Variants in TRMT2B observed in about 807,000 individuals in gnomAD.
The protein encoded by TRMT2B is tRNA (uracil-5-)-methyltransferase homolog B.
Under a neutral mutation model 39.7 loss-of-function variants are expected in TRMT2B, and 34 were observed. The observed-to-expected ratio is 0.86, with a 90% confidence interval of 0.65 to 1.14. The LOEUF (loss-of-function observed/expected upper bound fraction) is 1.14. Among genes scored for constraint, TRMT2B ranks in the 50% most tolerant of loss-of-function variants. TRMT2B has a pLI of 0.00. For synonymous variants in TRMT2B, 132 were observed against 137.3 expected, an observed-to-expected ratio of 0.96 and a Z score of 0.27; for missense variants, 318 against 377.2, an observed-to-expected ratio of 0.84 and a Z score of 1.30.
At chrX:101,019,456 C>T (rs960725048) in intron 11 of TRMT2B, 53 bp from the exon 12 acceptor site, 55 of 1,195,660 alleles carry the variant, frequency 4.6e-5, no homozygotes, top group Non-Finnish European at 5.4e-5. Context: ...TAAGGGAAAG[C>T]TTCAGCTTCA....
Position 101,035,653 on chromosome X carries a change from T to G in TRMT2B, c.569A>C (p.His190Pro). ...GTGTTTCTCAGGGATGTTTTTCAGA[T>G]GATTAGACTGCACACAGACAACGTT... ...DGNVVCVQSN[H>P]LKNIPEKHSQ... Residue 190 changes from histidine (H) to proline (P), a missense_variant, in exon 7 of 14, where the codon CAT (histidine) becomes CCT (proline). Coordinates refer to ENST00000372936, the MANE Select transcript of TRMT2B (RefSeq NM_024917.6). 8.3e-7 allele frequency: 1 copy of G among 1,210,154 alleles called. No homozygotes were observed. Among genetic ancestry groups the G allele is most frequent in the Non-Finnish European group, 1.1e-6 (1 of 894,002 alleles).
chrX:100,986,764 T>A, the TRMT2B span: 1 of 1,065,785 alleles, frequency 9.4e-7, no homozygotes, highest in South Asian at 2.2e-5. Flanking sequence ...ACTCTTCCAC[T>A]CTTTTCCTCC....
At chrX:101,005,892 AAAAAAAAAAAAAG>A (rs1438963999), downstream of TRMT2B, among the ~76,000 whole-genome samples, 1 of 37,429 alleles carries the variant, frequency 2.7e-5, no homozygotes, top group Non-Finnish European at 5.1e-5. Context: ...AAAAAAAAAA[AAAAAAAAAAAAAG>A]AAAGAGAGAA....
At chrX:101,046,848 C>A (rs535063991) in intron 2 of TRMT2B, among the ~76,000 whole-genome samples, 1 of 111,325 alleles carries the variant, frequency 9.0e-6, no homozygotes, top group African/African-American at 3.3e-5. Context: ...ATCGCTTGAA[C>A]CCGGGAGGTG....
At chrX:101,011,680 G>C (rs1444245227) in intron 13 of TRMT2B, among the ~76,000 whole-genome samples, 2 of 111,499 alleles carry the variant, frequency 1.8e-5, no homozygotes, top group Non-Finnish European at 3.8e-5. Flanking sequence ...GATTGCTTGA[G>C]CTCAGAAGTT....
In TRMT2B at chrX:101,041,356, C is replaced by T. The variant is rs1256812255; in HGVS notation, c.264G>A (p.Val88=). ...GSWQERLADV[V]TPLWRLSYEE... ...CATAGCTCAACCTCCAGAGTGGTGT[C>T]ACAACATCAGCCAGCCTTGAATAAA... Residue 88 remains valine (V), a synonymous_variant, in exon 4 of 14, where the codon GTG becomes GTA. Transcript: ENST00000372936. 1.6e-5 allele frequency: 19 copies of T among 1,207,659 alleles called. No individual in the cohort carries two copies. In the Admixed American group the frequency reaches 3.5e-4, roughly 22 times the overall value.
intron 2 of TRMT2B, among the ~76,000 whole-genome samples, chrX:101,047,418 C>A (rs781643204): frequency 1.1e-4 from 12 of 111,497 alleles, no homozygotes; most frequent in South Asian, 3.8e-4. Context: ...GAGACAAAAG[C>A]TGGAAGAGCT....
chrX:101,030,139 A>G (rs1203606537), intron 7 of TRMT2B, among the ~76,000 whole-genome samples: 1 of 111,210 alleles, frequency 9.0e-6, no homozygotes, highest in African/African-American at 3.3e-5. Context: ...ACGTGCCTAT[A>G]GTCCCAGCTA....
At chrX:100,995,140 C>T in the TRMT2B span, among the ~76,000 whole-genome samples, 3 of 111,756 alleles carry the variant, frequency 2.7e-5, no homozygotes, top group African/African-American at 9.8e-5. Context: ...CTTTGTTACT[C>T]AACCCTGTAA....
At chrX:100,987,064 T>C in the TRMT2B span, among the ~76,000 whole-genome samples, 1 of 111,885 alleles carries the variant, frequency 8.9e-6, no homozygotes, top group African/African-American at 3.2e-5. Flanking sequence ...AAATATTGCA[T>C]TCTGCCTTCA....
chrX:101,026,880 A>G (rs2087123925), intron 7 of TRMT2B, among the ~76,000 whole-genome samples: 2 of 111,638 alleles, frequency 1.8e-5, no homozygotes, highest in Admixed American at 1.9e-4. Context: ...TCCCATCAAT[A>G]TACTATCAGA....
chrX:100,984,654 C>T, the TRMT2B span, among the ~76,000 whole-genome samples: 1 of 112,240 alleles, frequency 8.9e-6, no homozygotes, highest in African/African-American at 3.2e-5. Flanking sequence ...TAAGGTAATA[C>T]AGACATCCTC....
intron 7 of TRMT2B, among the ~76,000 whole-genome samples, chrX:101,026,091 AAG>A (rs1230927943): frequency 4.5e-5 from 5 of 110,715 alleles, no homozygotes; most frequent in East Asian, 5.7e-4. Context: ...GAAAGAAAAA[AAG>A]AGAGGAAGGA....
the TRMT2B span, among the ~76,000 whole-genome samples, chrX:101,000,753 C>A: frequency 0.45 from 49,379 of 109,459 alleles, 9,010 homozygotes; most frequent in African/African-American, 0.65. Context: ...AAAAATCCAA[C>A]GTGATTCTCA....
At chrX:100,989,608 CAAA>C in the TRMT2B span, among the ~76,000 whole-genome samples, 2 of 57,312 alleles carry the variant, frequency 3.5e-5, no homozygotes, top group Non-Finnish European at 3.4e-5. Context: ...GACTCCATCT[CAAA>C]AAAAAAAAAA....
At chrX:101,024,530 TA>T (rs945109611) in intron 7 of TRMT2B, among the ~76,000 whole-genome samples, 1 of 109,037 alleles carries the variant, frequency 9.2e-6, no homozygotes, top group Non-Finnish European at 1.9e-5. Flanking sequence ...CTACAAAAAA[TA>T]AAAAAAATTA....
chrX:101,046,078 G>A (rs1361466390), intron 2 of TRMT2B, among the ~76,000 whole-genome samples: 1 of 103,850 alleles, frequency 9.6e-6, no homozygotes, highest in Non-Finnish European at 2.0e-5. Flanking sequence ...CCCGGGAGGT[G>A]GAGGTTGCAA....
At chrX:100,988,629 C>A in the TRMT2B span, 1 of 804,788 alleles carries the variant, frequency 1.2e-6, no homozygotes, top group Non-Finnish European at 1.6e-6. Context: ...CAATAGTATT[C>A]CAATTTTGAG....
intron 2 of TRMT2B, among the ~76,000 whole-genome samples, chrX:101,047,660 C>T (rs1470350298): frequency 1.8e-5 from 2 of 109,665 alleles, no homozygotes; most frequent in Non-Finnish European, 1.9e-5. Flanking sequence ...GGTGAAACCC[C>T]GTCTCTACTA....
Sources: allele counts gnomAD v4.1 joint callset (sites outside exome capture counted in the v4.1 genomes callset), GRCh38; gene constraint gnomAD v4.1.1; transcripts MANE v1.5; gene names NCBI Gene and HGNC (gene_info 2026-07-23, HGNC 2026-07-21).